CNTRL: variants seen among roughly 807,000 people sequenced by gnomAD.
The protein encoded by CNTRL is 110 kDa centrosomal protein.
CNTRL carries 233 observed loss-of-function variants against 303.7 expected under a neutral mutation model. The ratio of observed to expected loss-of-function variants is 0.77; its 90% confidence interval spans 0.69 to 0.86. The LOEUF is 0.86. CNTRL is among the 40% of genes least tolerant of loss of function. The pLI is 0.00. For synonymous variants in CNTRL, 900 were observed against 922.2 expected (o/e 0.98, Z 0.44); for missense variants, 2,524 against 2,650.6 (o/e 0.95, Z 1.05).
intron 14 of CNTRL, among the ~76,000 whole-genome samples, chr9:121,134,374 T>C (rs1020060871): frequency 6.6e-6 from 1 of 151,298 alleles, no homozygotes; most frequent in African/African-American, 2.4e-5. Flanking sequence ...CACTGCAACC[T>C]CCGCCTCCCA....
At chr9:121,126,686 A>G (rs978315315) in intron 14 of CNTRL, among the ~76,000 whole-genome samples, 2 of 152,080 alleles carry the variant, frequency 1.3e-5, no homozygotes, top group African/African-American at 2.4e-5. Context: ...CTGCACCTCT[A>G]TTCTTTTATT....
At position 121,125,816 on chromosome 9, in the gene CNTRL, C is replaced by T; in HGVS notation, c.1905C>T (p.Ala635=). ...CCATTAAAGGCCAGGCAACTCAGGC[C>T]CAGAATGAGTGCAGGAAGCTGCGGG... The part of the protein sequence containing the change: ...LGTIKGQATQ[A]QNECRKLRDE... The change falls in exon 14 of 44, where the codon GCC becomes GCT. Residue 635 remains alanine (A), a synonymous_variant. Coordinates refer to ENST00000373855, the MANE Select transcript of CNTRL (RefSeq NM_007018.6). The T allele has an allele frequency of 6.2e-7, 1 of 1,614,076 alleles. No homozygotes were observed. Among genetic ancestry groups the T allele is most frequent in the Non-Finnish European group, 8.5e-7 (1 of 1,180,002 alleles).
intron 5 of CNTRL, among the ~76,000 whole-genome samples, chr9:121,095,646 A>G (rs990600977): frequency 6.6e-6 from 1 of 152,234 alleles, no homozygotes; most frequent in Non-Finnish European, 1.5e-5. Context: ...TAGCAATGGC[A>G]GAAGTTCTGA....
chr9:121,107,761 G>A, intron 7 of CNTRL, 41 bp from the exon 8 acceptor site: 1 of 1,192,140 alleles, frequency 8.4e-7, no homozygotes, highest in Non-Finnish European at 1.2e-6. Context: ...TTAAAAATAG[G>A]AAATATAATG....
At chr9:121,152,760 C>G in intron 26 of CNTRL, 67 bp downstream of exon 26, 2 of 1,208,150 alleles carry the variant, frequency 1.7e-6, no homozygotes, top group East Asian at 2.5e-5. Context: ...TCGAACAGAA[C>G]TTTCTATAAT....
intron 7 of CNTRL, among the ~76,000 whole-genome samples, chr9:121,104,521 TAAAAA>T (rs891738271): frequency 6.7e-6 from 1 of 148,354 alleles, no homozygotes; most frequent in African/African-American, 2.5e-5. Flanking sequence ...AAAGTATAAT[TAAAAA>T]AAAGAAAAGT....
At chr9:121,152,266 T>G in intron 25 of CNTRL, 1 of 502,618 alleles carries the variant, frequency 2.0e-6, no homozygotes, top group Admixed American at 3.3e-5. Flanking sequence ...TGGCAAATGT[T>G]TCTCAGTCAT....
chr9:121,171,889 C>T (rs149085251), intron 40 of CNTRL, among the ~76,000 whole-genome samples: 2 of 152,260 alleles, frequency 1.3e-5, no homozygotes, highest in South Asian at 2.1e-4. Flanking sequence ...CTCCCCTACC[C>T]CTTGAGCAAG....
At position 121,158,972 on chromosome 9, in the gene CNTRL, C is replaced by CT; in HGVS notation, c.4883dup (p.Arg1629GlufsTer6). On this transcript the variant is annotated frameshift_variant, in exon 31 of 44. Transcript: ENST00000373855. LOFTEE classifies it high-confidence loss of function. ...GGCAAAAGCTGACCTCCAGGAAGCT[C>CT]TGAGACTGGGAGAGACTGAAGTAAC... is the stretch of plus-strand genomic sequence containing the variant. 6.2e-7 allele frequency: 1 copy of CT among 1,614,188 alleles called. No individual in the cohort carries two copies. Among genetic ancestry groups the CT allele is most frequent in the Admixed American group, 1.7e-5 (1 of 60,030 alleles).
chr9:121,118,603 CA>C lies in CNTRL; in HGVS notation c.1650+64del, dbSNP rs1166491503. On this transcript the variant is annotated intron_variant, in intron 12 of 43. Transcript: ENST00000373855. ...ATATTACATGTCTCATCATTGTTAG[CA>C]TCAGAGTCCAGAGTCCTTTCTGAAA... The C allele has an allele frequency of 8.4e-6, 11 of 1,316,838 alleles. No homozygotes were observed. In the African/African-American group the frequency reaches 1.0e-4, roughly 12 times the overall value. The allele number at this position is 1,316,838 out of a possible 1,614,324, so 81.6% of individuals were successfully genotyped here. A position where few individuals can be genotyped will look rare whatever the true frequency, so the allele number is the denominator to read the frequency against.
intron 2 of CNTRL, among the ~76,000 whole-genome samples, chr9:121,084,441 A>C (rs142994482): frequency 3.5e-4 from 54 of 152,202 alleles, no homozygotes; most frequent in Non-Finnish European, 5.9e-4. Context: ...ATAAATGTTA[A>C]TTATTTACCA....
At chr9:121,105,841 A>G (rs1162208396) in intron 7 of CNTRL, among the ~76,000 whole-genome samples, 1 of 152,190 alleles carries the variant, frequency 6.6e-6, no homozygotes, top group Non-Finnish European at 1.5e-5. Flanking sequence ...TGAAGAGTGA[A>G]TAGGAGAGAG....
chr9:121,160,294 A>G lies in CNTRL; in HGVS notation c.5081A>G (p.His1694Arg). Residue 1694 changes from histidine to arginine, a missense_variant, in exon 32 of 44, where the codon CAT becomes CGT. By Grantham distance (29) the His-to-Arg change is conservative (BLOSUM62 0). Coordinates refer to ENST00000373855, the MANE Select transcript of CNTRL (RefSeq NM_007018.6). ...LQVVLRQMSK[H>R]KTELKNILDM... ...GTTGTTTTAAGGCAGATGTCTAAAC[A>G]TAAAACCGGTAAGTTTAAAGGAAAA... 1.3e-6 allele frequency: 2 copies of G among 1,518,358 alleles called. No homozygotes were observed. The highest frequency in any genetic ancestry group is 1.8e-6 in the Non-Finnish European group (2 of 1,140,488). 94.1% of individuals were successfully genotyped at this position (1,518,358 alleles called of 1,614,324 possible). A position where few individuals can be genotyped will look rare whatever the true frequency, so the allele number is the denominator to read the frequency against.
chr9:121,080,795 A>C (rs1180877887), intron 2 of CNTRL, among the ~76,000 whole-genome samples: 2 of 152,216 alleles, frequency 1.3e-5, no homozygotes, highest in African/African-American at 4.8e-5. Context: ...AGGGGAGGAA[A>C]GGGAGTAATT....
chr9:121,154,569 T>C (rs1435903327), intron 26 of CNTRL, 152 bp from the exon 27 acceptor site: 1 of 558,178 alleles, frequency 1.8e-6, no homozygotes, highest in Non-Finnish European at 3.2e-6. Context: ...ATGGTAAACC[T>C]AGACCTTGAA....
intron 8 of CNTRL, 24 bp downstream of exon 8, chr9:121,108,019 T>C (rs1222325492): frequency 2.7e-6 from 4 of 1,500,064 alleles, no homozygotes; most frequent in African/African-American, 1.4e-5. Flanking sequence ...TTACATTGCT[T>C]TGGCTGTATT....
Position 121,135,835 on chromosome 9 carries a change from A to AG in CNTRL, c.2056dup (p.Glu686GlyfsTer4). ...TTGCAGAGCTAGAAAGTGCCCTCCAAGAGCAGCATGAGGTGAATGCATCTT... is the reference window on the plus strand; with the variant it reads ...TTGCAGAGCTAGAAAGTGCCCTCCAAGGAGCAGCATGAGGTGAATGCATCTT... On this transcript the variant is annotated frameshift_variant, in exon 15 of 44. Transcript: ENST00000373855. LOFTEE classifies it high-confidence loss of function. 6.2e-7 allele frequency: 1 copy of AG among 1,613,624 alleles called. No homozygotes were observed. Among genetic ancestry groups the AG allele is most frequent in the Non-Finnish European group, 8.5e-7 (1 of 1,179,762 alleles).
chr9:121,123,747 G>C (rs926541750), intron 12 of CNTRL, among the ~76,000 whole-genome samples, 184 bp from the exon 13 acceptor site: 1 of 152,264 alleles, frequency 6.6e-6, no homozygotes, highest in Non-Finnish European at 1.5e-5. Flanking sequence ...AATGATTTCC[G>C]TATCAAGTTA....
At chr9:121,161,307 C>T (rs932187241) in intron 32 of CNTRL, 3 of 431,120 alleles carry the variant, frequency 7.0e-6, no homozygotes, top group Non-Finnish European at 1.3e-5. Flanking sequence ...GCAAGTATCT[C>T]TATGATCAGA....
Sources: gnomAD v4.1 joint callset for allele counts (sites outside exome capture counted in the v4.1 genomes callset) on GRCh38, gnomAD v4.1.1 for gene constraint, MANE v1.5 for transcripts, NCBI Gene and HGNC (gene_info 2026-07-23, HGNC 2026-07-21) for gene names.